DDAH1: variants seen among roughly 807,000 people sequenced by gnomAD.
The protein encoded by DDAH1 is dimethylarginine dimethylaminohydrolase 1.
In DDAH1, 19 loss-of-function variants were observed where a neutral mutation model predicts 28.8. The observed-to-expected ratio is 0.66, with a 90% CI of 0.46 to 0.97. The LOEUF is 0.97. Ranked by LOEUF, DDAH1 falls within the 50% of genes least tolerant of loss-of-function variation. DDAH1 has a pLI of 0.00. For missense variants in DDAH1, 326 were observed against 375.9 expected, an observed-to-expected ratio of 0.87 and a Z score of 1.10; for synonymous variants, 153 against 154.4, an observed-to-expected ratio of 0.99 and a Z score of 0.07.
intron 1 of DDAH1, among the ~76,000 whole-genome samples, chr1:85,364,164 T>C (rs1649941169): frequency 1.3e-5 from 2 of 152,138 alleles, no homozygotes; most frequent in Non-Finnish European, 2.9e-5. Flanking sequence ...CCGGAGCCCA[T>C]CCTCATTTTC....
chr1:85,506,398 C>T (rs932181236), intron 1 of DDAH1, among the ~76,000 whole-genome samples: 2 of 152,160 alleles, frequency 1.3e-5, no homozygotes, highest in African/African-American at 4.8e-5. Context: ...AAATAAATGA[C>T]CATTAGCATT....
chr1:85,573,224 C>G (rs930490073), intron 1 of DDAH1, among the ~76,000 whole-genome samples: 1 of 152,216 alleles, frequency 6.6e-6, no homozygotes, highest in African/African-American at 2.4e-5. Flanking sequence ...AAATAAATCA[C>G]TTCAATCTCT....
chr1:85,369,746 T>C (rs1650277578), intron 1 of DDAH1, among the ~76,000 whole-genome samples: 1 of 152,172 alleles, frequency 6.6e-6, no homozygotes, highest in South Asian at 2.1e-4. Flanking sequence ...ATAATAAACA[T>C]TAAAAATATT....
At chr1:85,521,654 A>T (rs1361208297) in intron 1 of DDAH1, 1 of 984,702 alleles carries the variant, frequency 1.0e-6, no homozygotes, top group African/African-American at 1.8e-5. Context: ...TCGCTGAGTC[A>T]CCAGCTGTGC....
intron 2 of DDAH1, among the ~76,000 whole-genome samples, chr1:85,354,925 A>C (rs1649414314): frequency 6.6e-6 from 1 of 152,038 alleles, no homozygotes; most frequent in Admixed American, 6.6e-5. Context: ...AATGTGAAGG[A>C]AGGAAATACA....
chr1:85,464,789 T>A lies in DDAH1; in HGVS notation c.257A>T (p.Glu86Val). Reference sequence around the variant, plus strand: ...CCCGGGTCGGGTGATGAGGGCCGTCTCCTCGCACACCACGGCCACGTCCTC... The same window carrying A: ...CCCGGGTCGGGTGATGAGGGCCGTCACCTCGCACACCACGGCCACGTCCTC... Reference protein sequence around the residue: ...FVEDVAVVCEETALITRPGAP... With the variant: ...FVEDVAVVCEVTALITRPGAP... Residue 86 changes from glutamate (E) to valine (V), a missense_variant, in exon 1 of 6, where the codon GAG (glutamate) becomes GTG (valine). Physicochemically the swap from Glu to Val is moderately radical, Grantham distance 121 (BLOSUM62 -2). Transcript: ENST00000284031. This position sits in a 1 kb window ranked among gnomAD's most constrained non-coding sequence, Gnocchi z 4.4. 6.3e-7 allele frequency: 1 copy of A among 1,580,566 alleles called. No individual in the cohort carries two copies. Among genetic ancestry groups the A allele is most frequent in the Non-Finnish European group, 8.5e-7 (1 of 1,170,556 alleles).
At chr1:85,479,362 A>C (rs1655920414) in intron 2 of DDAH1, among the ~76,000 whole-genome samples, 2 of 149,542 alleles carry the variant, frequency 1.3e-5, no homozygotes, top group African/African-American at 4.9e-5. Context: ...TTTAGTAGAG[A>C]CGGGGTTTCA....
At chr1:85,507,555 T>C (rs1032651658) in intron 1 of DDAH1, among the ~76,000 whole-genome samples, 1 of 125,392 alleles carries the variant, frequency 8.0e-6, no homozygotes, top group Non-Finnish European at 1.8e-5. Flanking sequence ...CTCCTAAAAA[T>C]AAGAATTTTC....
intron 1 of DDAH1, among the ~76,000 whole-genome samples, chr1:85,420,107 G>A (rs891819314): frequency 2.0e-5 from 3 of 152,092 alleles, no homozygotes; most frequent in African/African-American, 7.2e-5. Context: ...GATGCAGGGA[G>A]CAGTGTCCCG....
chr1:85,365,861 T>G (rs66811655), intron 1 of DDAH1, among the ~76,000 whole-genome samples: 43,971 of 151,970 alleles, frequency 0.29, 7,276 homozygotes, highest in South Asian at 0.4. Flanking sequence ...TAAAGAAATT[T>G]TGCAGGTGTA....
chr1:85,364,809 G>A (rs914474985), intron 1 of DDAH1, among the ~76,000 whole-genome samples: 11 of 152,186 alleles, frequency 7.2e-5, no homozygotes, highest in African/African-American at 2.7e-4. Flanking sequence ...CTCCCAAAGT[G>A]CTGGGATTAC....
chr1:85,444,256 G>C (rs1198943471), intron 1 of DDAH1, among the ~76,000 whole-genome samples: 4 of 152,168 alleles, frequency 2.6e-5, no homozygotes, highest in Non-Finnish European at 1.5e-5. Context: ...GGTCTTTTCT[G>C]CATCTATTGA....
At chr1:85,529,296 G>GT (rs1557729483) in intron 1 of DDAH1, among the ~76,000 whole-genome samples, 1 of 152,084 alleles carries the variant, frequency 6.6e-6, no homozygotes, top group African/African-American at 2.4e-5. Flanking sequence ...AACACGTATG[G>GT]TTTATAAGTA....
At chr1:85,475,109 C>T (rs900691557) in intron 2 of DDAH1, among the ~76,000 whole-genome samples, 2 of 152,134 alleles carry the variant, frequency 1.3e-5, no homozygotes, top group Non-Finnish European at 2.9e-5. Context: ...TCAAAGGAGC[C>T]CTTTGCTCAA....
upstream of DDAH1, among the ~76,000 whole-genome samples, chr1:85,466,412 G>A (rs144529297): frequency 8.1e-4 from 123 of 152,200 alleles, no homozygotes; most frequent in African/African-American, 2.8e-3. Flanking sequence ...CACCACTCGC[G>A]GCTAATTTGT....
chr1:85,358,995 A>C, intron 1 of DDAH1, 148 bp from the exon 2 acceptor site: 1 of 553,310 alleles, frequency 1.8e-6, no homozygotes, highest in Middle Eastern at 2.8e-4. Context: ...GTGAATATAT[A>C]ATGTATGACC....
intron 1 of DDAH1, among the ~76,000 whole-genome samples, chr1:85,414,787 G>A (rs1652813560): frequency 6.6e-6 from 1 of 152,050 alleles, no homozygotes; most frequent in East Asian, 1.9e-4. Flanking sequence ...CTCAAAGACT[G>A]CCTGGCAGAT....
intron 1 of DDAH1, among the ~76,000 whole-genome samples, chr1:85,403,525 A>G (rs945831587): frequency 2.6e-5 from 4 of 152,128 alleles, no homozygotes; most frequent in African/African-American, 9.7e-5. Flanking sequence ...ACTTTACTTT[A>G]AAAATAGTCT....
chr1:85,541,096 T>C (rs1471136961), intron 1 of DDAH1, among the ~76,000 whole-genome samples: 1 of 152,182 alleles, frequency 6.6e-6, no homozygotes, highest in Non-Finnish European at 1.5e-5. Context: ...CCAGTTATTG[T>C]CACGTCACCA....
Sources: allele counts gnomAD v4.1 joint callset (sites outside exome capture counted in the v4.1 genomes callset), GRCh38; gene constraint gnomAD v4.1.1; non-coding constraint Gnocchi (gnomAD v3.1); transcripts MANE v1.5; gene names NCBI Gene and HGNC (gene_info 2026-07-23, HGNC 2026-07-21).